ABCA13: variants seen among roughly 807,000 people sequenced by gnomAD.
ABCA13 encodes the protein ATP binding cassette subfamily A member 13, also known as ATP-binding cassette sub-family A member 13.
Under a neutral mutation model 478.7 loss-of-function variants are expected in ABCA13, and 476 were observed. The ratio of observed to expected loss-of-function variants is 0.99; its 90% CI spans 0.92 to 1.07. The LOEUF is 1.07. Among genes scored for constraint, ABCA13 ranks in the 50% least tolerant of loss-of-function variants. ABCA13 has a pLI of 0.00. For synonymous variants in ABCA13, 2,252 were observed against 2,158.9 expected, an observed-to-expected ratio of 1.04 and a Z score of -1.20; for missense variants, 6,060 against 5,910.6, an observed-to-expected ratio of 1.03 and a Z score of -0.83.
intron 42 of ABCA13, among the ~76,000 whole-genome samples, chr7:48,436,517 A>T (rs563781471): frequency 1.5e-3 from 235 of 151,622 alleles, no homozygotes; most frequent in Non-Finnish European, 3.4e-4. Flanking sequence ...TTTGTATTTT[A>T]TTCATCTCTG....
chr7:48,453,072 A>T (rs1468637510), intron 42 of ABCA13, among the ~76,000 whole-genome samples: 1 of 152,206 alleles, frequency 6.6e-6, no homozygotes. Flanking sequence ...TCCTAGCAAT[A>T]TAATCTGTCT....
intron 38 of ABCA13, among the ~76,000 whole-genome samples, chr7:48,396,849 C>A (rs1816902165): frequency 1.3e-5 from 2 of 152,148 alleles, no homozygotes; most frequent in Admixed American, 1.3e-4. Context: ...CATTGTGGAA[C>A]CTGCCTCTGG....
At chr7:48,222,960 G>T (rs757365580) in intron 5 of ABCA13, among the ~76,000 whole-genome samples, 1 of 152,154 alleles carries the variant, frequency 6.6e-6, no homozygotes. Context: ...TTAAATGGAG[G>T]TATTTTAGAA....
rs545315422 is a variant in ABCA13 at position 48,209,390 on chromosome 7, T to G, written c.288-9964T>G. 7.9e-5 allele frequency among the ~76,000 whole-genome samples: 12 copies of G among 152,240 alleles called. No individual in the cohort carries two copies. The South Asian group carries it at 2.5e-3, about 32-fold the overall frequency. ...TAATACTGGCACTGCAGAACGAGTT[T>G]GACAGCATTCCTTCCTCTTCAACCT... is the stretch of plus-strand genomic sequence containing the variant. On this transcript the variant is annotated intron_variant, in intron 3 of 61. Transcript: ENST00000435803.
chr7:48,552,064 G>T (rs10252100), intron 55 of ABCA13, among the ~76,000 whole-genome samples: 68,298 of 151,572 alleles, frequency 0.45, 18,858 homozygotes, highest in African/African-American at 0.76. Flanking sequence ...ATTTTCATTT[G>T]TCCTTTTAGC....
chr7:48,618,002 ACT>A (rs925762850), intron 59 of ABCA13, among the ~76,000 whole-genome samples: 6 of 152,238 alleles, frequency 3.9e-5, no homozygotes, highest in African/African-American at 1.2e-4. Context: ...TTCCTACCTC[ACT>A]CTCTGCCCCA....
At chr7:48,575,046 G>A (rs761979478) in intron 55 of ABCA13, among the ~76,000 whole-genome samples, 2 of 139,020 alleles carry the variant, frequency 1.4e-5, no homozygotes, top group Non-Finnish European at 3.2e-5. Flanking sequence ...TGAAACTTGA[G>A]TTTCCAGTAG....
At chr7:48,327,596 G>A (rs1301256920) in intron 27 of ABCA13, among the ~76,000 whole-genome samples, 1 of 152,192 alleles carries the variant, frequency 6.6e-6, no homozygotes, top group African/African-American at 2.4e-5. Flanking sequence ...AGTAAGAATT[G>A]TGAATGTTTA....
chr7:48,443,719 G>T (rs924659027), intron 42 of ABCA13, among the ~76,000 whole-genome samples: 1 of 152,052 alleles, frequency 6.6e-6, no homozygotes, highest in Non-Finnish European at 1.5e-5. Context: ...CTCACTTCTT[G>T]TGCCAAGTCA....
rs779606645 is a variant in ABCA13, at chr7:48,272,044, T to G, written c.2378T>G (p.Leu793Arg). ...CCATCTGCCACTGATGCTCAGAAAC[T>G]CTTGGAATTTGGCAACGAAGTGATT... is the stretch of plus-strand genomic sequence containing the variant. ...RDPSATDAQK[L>R]LEFGNEVIWK... Residue 793 changes from leucine to arginine, a missense_variant, in exon 17 of 62, where the codon CTC (leucine) becomes CGC (arginine). By Grantham distance (102) the Leu-to-Arg change is moderately radical. Transcript: ENST00000435803. The G allele has an allele frequency of 1.1e-4, 179 of 1,613,634 alleles. 1 individual carries two copies. In the Admixed American group the frequency reaches 3.0e-3, roughly 27 times the overall value.
intron 42 of ABCA13, among the ~76,000 whole-genome samples, chr7:48,452,029 T>A (rs1585383268): frequency 6.6e-6 from 1 of 152,388 alleles, no homozygotes; most frequent in East Asian, 1.9e-4. Flanking sequence ...AATATTTGAT[T>A]GGTGGTTGAT....
At chr7:48,203,598 G>A (rs1434285579) in intron 3 of ABCA13, among the ~76,000 whole-genome samples, 2 of 150,594 alleles carry the variant, frequency 1.3e-5, no homozygotes, top group Non-Finnish European at 3.0e-5. Context: ...GCCTTTGTTG[G>A]GGGGTTTCCC....
In ABCA13 at chr7:48,279,098, T is replaced by A; in HGVS notation, c.7904T>A (p.Leu2635Ter). The change falls in exon 18 of 62, where the codon TTG becomes TAG. Residue 2635 changes from leucine to a stop codon, truncating the protein, a stop_gained. Coordinates refer to ENST00000435803, the MANE Select transcript of ABCA13 (RefSeq NM_152701.5). LOFTEE classifies it high-confidence loss of function. ...CAATCTAAGGACTTTTCTGATATTT[T>A]GGAAGAAATTGCTGAATTTTTAACA... ...MNQSKDFSDI[L>*]EEIAEFLTSV... 2 of 1,611,928 alleles carry A rather than the reference T, an allele frequency of 1.2e-6. No individual in the cohort carries two copies. The highest frequency in any genetic ancestry group is 1.7e-6 in the Non-Finnish European group (2 of 1,179,418).
At position 48,276,516 on chromosome 7, in the gene ABCA13, A is replaced by G. The variant is rs796708370; in HGVS notation, c.6850A>G (p.Ile2284Val). The change falls in exon 17 of 62, where the codon ATA (isoleucine) becomes GTA (valine). Residue 2284 changes from isoleucine (I) to valine (V), a missense_variant. Ile to Val is a conservative substitution (Grantham distance 29, BLOSUM62 3). This residue lies in a region of ABCA13 where 4,423 missense variants were observed against 4,309.1 expected (regional missense o/e 1.03). Coordinates refer to ENST00000435803, the MANE Select transcript of ABCA13 (RefSeq NM_152701.5). The part of the protein sequence containing the change: ...LFLKEDSENK[I>V]SLLLKYFHKD... ...TCTAAAGGAAGATTCTGAGAACAAA[A>G]TATCTCTTCTGCTGAAATATTTCCA... 6.8e-6 allele frequency: 11 copies of G among 1,611,266 alleles called. No individual in the cohort carries two copies. Among genetic ancestry groups the G allele is most frequent in the South Asian group, 1.1e-5 (1 of 90,798 alleles).
At chr7:48,241,845 A>G (rs1358066508) in intron 10 of ABCA13, among the ~76,000 whole-genome samples, 1 of 152,134 alleles carries the variant, frequency 6.6e-6, no homozygotes, top group Non-Finnish European at 1.5e-5. Flanking sequence ...GTTCTTTCAC[A>G]TTTTCTGGAA....
Position 48,644,705 on chromosome 7 carries a change from CCTT to C in ABCA13, c.15036_15038del (p.Phe5012del). The C allele has an allele frequency of 6.2e-7, 1 of 1,604,930 alleles. No homozygotes were observed. Among genetic ancestry groups the C allele is most frequent in the Non-Finnish European group, 8.5e-7 (1 of 1,176,950 alleles). On this transcript the variant is annotated inframe_deletion, in exon 61 of 62. Coordinates refer to ENST00000435803, the MANE Select transcript of ABCA13 (RefSeq NM_152701.5). ...TTCAAAGTTATAGAGAACAATAAAA[CCTT>C]CTTGAATATTAAGCATTATTCCATT... is the stretch of plus-strand genomic sequence containing the variant.
intron 39 of ABCA13, chr7:48,404,639 T>A (rs1215069857): frequency 6.6e-6 from 1 of 152,272 alleles, no homozygotes; most frequent in Non-Finnish European, 1.5e-5. Context: ...GGAGGTGAAC[T>A]AGGATTTGCA....
rs374129283 is a variant in ABCA13, at chr7:48,352,457, C to T, written c.10658C>T (p.Ala3553Val). 3.9e-5 allele frequency: 63 copies of T among 1,610,134 alleles called. 1 individual carries two copies. The highest frequency in any genetic ancestry group is 3.8e-4 in the South Asian group (34 of 90,590). ...CTGGAACCAGCAGCACAGACTCAGG[C>T]GGCCCCTTACCCCTGCCATACCAGC... ...EALEPAAQTQ[A>V]APYPCHTSDL... The change falls in exon 31 of 62, where the codon GCG (alanine) becomes GTG (valine). Residue 3553 changes from alanine (A) to valine (V), a missense_variant. Coordinates refer to ENST00000435803, the MANE Select transcript of ABCA13 (RefSeq NM_152701.5).
chr7:48,455,522 A>G (rs1825567899), intron 43 of ABCA13, among the ~76,000 whole-genome samples: 1 of 151,630 alleles, frequency 6.6e-6, no homozygotes, highest in Non-Finnish European at 1.5e-5. Context: ...TGAGCCCCTG[A>G]CCCCTCCTCA....
Sources: allele counts gnomAD v4.1 joint callset (sites outside exome capture counted in the v4.1 genomes callset), GRCh38; gene constraint gnomAD v4.1.1; regional missense constraint gnomAD v4.1.1; transcripts MANE v1.5; gene names NCBI Gene and HGNC (gene_info 2026-07-23, HGNC 2026-07-21).